Variants in SMYD3 observed in about 807,000 individuals in gnomAD.
The protein encoded by SMYD3 is SET and MYND domain containing 3, also known as histone-lysine N-methyltransferase SMYD3.
SMYD3 carries 36 observed loss-of-function variants against 57.7 expected under a neutral mutation model. The ratio of observed to expected loss-of-function variants is 0.62; its 90% CI spans 0.48 to 0.82. The LOEUF (loss-of-function observed/expected upper bound fraction) is 0.82, where lower values mean the gene tolerates loss of function less well. SMYD3 is among the 40% of genes least tolerant of loss of function. The probability of loss-of-function intolerance (pLI) is 0.00; values close to 1 mark genes in which losing one functional copy is unlikely to be tolerated. For synonymous variants in SMYD3, 211 were observed against 195.0 expected, an observed-to-expected ratio of 1.08 and a Z score of -0.68; for missense variants, 515 against 538.8, an observed-to-expected ratio of 0.96 and a Z score of 0.44.
chr1:246,490,582 A>G (rs1364821167), intron 1 of SMYD3, among the ~76,000 whole-genome samples: 2 of 152,166 alleles, frequency 1.3e-5, no homozygotes, highest in South Asian at 2.1e-4. Context: ...CCACCGACCA[A>G]TCGCTGAGGG....
chr1:246,108,839 C>T (rs1452362394), intron 5 of SMYD3: 1 of 152,244 alleles, frequency 6.6e-6, no homozygotes, highest in Non-Finnish European at 1.5e-5. Flanking sequence ...GACCACCATC[C>T]TCCCTGAGGC....
At chr1:246,363,571 T>C (rs1268750013) in intron 1 of SMYD3, among the ~76,000 whole-genome samples, 4 of 152,250 alleles carry the variant, frequency 2.6e-5, no homozygotes, top group Non-Finnish European at 5.9e-5. Context: ...TTTTGTTCTG[T>C]ACTAAGAAAA....
intron 5 of SMYD3, among the ~76,000 whole-genome samples, chr1:245,933,050 C>T (rs1169069586): frequency 6.6e-6 from 1 of 152,154 alleles, no homozygotes; most frequent in Non-Finnish European, 1.5e-5. Context: ...CAGAAGCTCT[C>T]TGGCTTTTTT....
intron 1 of SMYD3, among the ~76,000 whole-genome samples, chr1:246,356,239 A>T (rs1171319987): frequency 1.3e-5 from 2 of 152,162 alleles, no homozygotes; most frequent in African/African-American, 4.8e-5. Context: ...TCCCTGGGGG[A>T]GGAGGGAGAA....
intron 5 of SMYD3, among the ~76,000 whole-genome samples, chr1:245,997,593 G>C (rs1348755972): frequency 6.6e-6 from 1 of 152,184 alleles, no homozygotes; most frequent in African/African-American, 2.4e-5. Context: ...GGCTGGGGTA[G>C]GGTGGTGAGA....
At chr1:245,917,516 G>A (rs1437036577) in intron 7 of SMYD3, among the ~76,000 whole-genome samples, 1 of 152,040 alleles carries the variant, frequency 6.6e-6, no homozygotes, top group Non-Finnish European at 1.5e-5. Context: ...CCTCCCGTCT[G>A]GCTCCACACA....
intron 5 of SMYD3, among the ~76,000 whole-genome samples, chr1:246,065,754 T>C (rs1351097575): frequency 6.6e-6 from 1 of 152,206 alleles, no homozygotes; most frequent in Non-Finnish European, 1.5e-5. Context: ...TCCTTCCTTC[T>C]ACCCCTACTT....
intron 5 of SMYD3, among the ~76,000 whole-genome samples, chr1:246,030,846 T>C (rs1272513687): frequency 6.6e-6 from 1 of 152,202 alleles, no homozygotes; most frequent in Non-Finnish European, 1.5e-5. Flanking sequence ...TTCAAACTTT[T>C]TTTTGCAGTG....
chr1:246,453,185 A>C (rs997639970), intron 1 of SMYD3, among the ~76,000 whole-genome samples: 7 of 152,252 alleles, frequency 4.6e-5, no homozygotes, highest in Non-Finnish European at 1.0e-4. Context: ...TAGCTTGCGC[A>C]AAGTCACATA....
chr1:246,374,125 C>T (rs1479089927), intron 1 of SMYD3, among the ~76,000 whole-genome samples: 2 of 151,930 alleles, frequency 1.3e-5, no homozygotes, highest in African/African-American at 2.4e-5. Context: ...TTGCCAGAGC[C>T]GGGGAATAAA....
intron 1 of SMYD3, among the ~76,000 whole-genome samples, chr1:246,505,488 A>G (rs1572066515): frequency 6.6e-6 from 1 of 151,776 alleles, no homozygotes; most frequent in Admixed American, 6.5e-5. Context: ...TACCTACTGC[A>G]GAATCCAATA....
intron 5 of SMYD3, among the ~76,000 whole-genome samples, chr1:245,950,943 A>C (rs774266523): frequency 3.3e-5 from 5 of 152,210 alleles, no homozygotes; most frequent in Non-Finnish European, 5.9e-5. Context: ...GATGGATTTC[A>C]CAGTCATTCA....
intron 5 of SMYD3, among the ~76,000 whole-genome samples, chr1:246,195,937 G>A (rs1399145018): frequency 6.6e-6 from 1 of 152,128 alleles, no homozygotes; most frequent in African/African-American, 2.4e-5. Context: ...CCTTTCACCT[G>A]AAAGAATGAA....
At chr1:245,910,498 G>T (rs1297045629) in intron 8 of SMYD3, among the ~76,000 whole-genome samples, 2 of 152,058 alleles carry the variant, frequency 1.3e-5, no homozygotes, top group Non-Finnish European at 2.9e-5. Flanking sequence ...AACAAAGCTG[G>T]AGGCATCACG....
chr1:246,454,004 G>A (rs1374680381), intron 1 of SMYD3, among the ~76,000 whole-genome samples: 2 of 152,136 alleles, frequency 1.3e-5, no homozygotes, highest in East Asian at 1.9e-4. Flanking sequence ...GGCAGTTAAT[G>A]CCCAGTCAAA....
chr1:246,055,192 A>G (rs2060130853), intron 5 of SMYD3, among the ~76,000 whole-genome samples: 1 of 152,060 alleles, frequency 6.6e-6, no homozygotes, highest in Admixed American at 6.5e-5. Context: ...AAACAAAAAA[A>G]AAAACAAATG....
At chr1:245,866,185 C>A (rs907140402) in intron 8 of SMYD3, among the ~76,000 whole-genome samples, 1 of 152,116 alleles carries the variant, frequency 6.6e-6, no homozygotes, top group African/African-American at 2.4e-5. Flanking sequence ...GGCAGAGCAC[C>A]ACGAACCACA....
intron 10 of SMYD3, among the ~76,000 whole-genome samples, chr1:245,807,852 T>G (rs2048269746): frequency 6.7e-6 from 1 of 150,252 alleles, no homozygotes; most frequent in Non-Finnish European, 1.5e-5. Context: ...ACAGAAGCAA[T>G]CTACACCGTG....
intron 5 of SMYD3, among the ~76,000 whole-genome samples, chr1:246,060,304 T>C (rs34516139): frequency 0.075 from 11,449 of 151,784 alleles, 496 homozygotes; most frequent in African/African-American, 0.11. Context: ...AAAATAAAGG[T>C]TGCGTTTTTT....
Sources: gnomAD v4.1 joint callset for allele counts (sites outside exome capture counted in the v4.1 genomes callset) on GRCh38, gnomAD v4.1.1 for gene constraint, MANE v1.5 for transcripts, NCBI Gene and HGNC (gene_info 2026-07-23, HGNC 2026-07-21) for gene names.